The following IFT81 variants were observed in gnomAD, a reference collection of about 807,000 sequenced individuals.
IFT81 encodes intraflagellar transport 81, also known as intraflagellar transport protein 81 homolog.
IFT81 carries 72 observed loss-of-function variants against 102.6 expected under a neutral mutation model. That is an observed-to-expected ratio of 0.70 (90% CI 0.58 to 0.85). The LOEUF (loss-of-function observed/expected upper bound fraction) is 0.85. IFT81 is among the 40% of genes least tolerant of loss of function. The pLI, the probability that IFT81 is intolerant of heterozygous loss-of-function variation, is 0.00. For synonymous variants in IFT81, 237 were observed against 242.7 expected (o/e 0.98, Z 0.22); for missense variants, 723 against 787.3 (o/e 0.92, Z 0.98).
intron 11 of IFT81, among the ~76,000 whole-genome samples, chr12:110,164,052 G>A (rs77307905): frequency 0.014 from 2,175 of 152,090 alleles, 30 homozygotes; most frequent in Non-Finnish European, 0.025. Context: ...TTTCCATAAA[G>A]GGCTAAGAAA....
At chr12:110,150,377 A>G (rs958806674) in intron 10 of IFT81, among the ~76,000 whole-genome samples, 4 of 152,062 alleles carry the variant, frequency 2.6e-5, no homozygotes, top group African/African-American at 9.7e-5. Context: ...GCACCCGGCC[A>G]TGTTTTTAGG....
chr12:110,136,357 C>T (rs1225895184), intron 7 of IFT81, among the ~76,000 whole-genome samples: 4 of 152,192 alleles, frequency 2.6e-5, no homozygotes, highest in East Asian at 1.9e-4. Flanking sequence ...GACTTGGCAT[C>T]GAAGTAGTTT....
chr12:110,179,246 G>A (rs1013507272), intron 11 of IFT81, among the ~76,000 whole-genome samples: 2 of 152,010 alleles, frequency 1.3e-5, no homozygotes, highest in African/African-American at 4.8e-5. Context: ...GTAGTCCAAT[G>A]GACTGCTACC....
At chr12:110,125,753 T>TCAG (rs1249218372) in intron 1 of IFT81, among the ~76,000 whole-genome samples, 2 of 152,256 alleles carry the variant, frequency 1.3e-5, no homozygotes, top group Non-Finnish European at 2.9e-5. Context: ...TAAAGCTGTT[T>TCAG]CAGCAGTTAA....
intron 15 of IFT81, chr12:110,204,275 A>C: frequency 9.2e-6 from 2 of 217,236 alleles, no homozygotes; most frequent in Non-Finnish European, 1.9e-5. Flanking sequence ...CATCTGTACC[A>C]CTCCCAGCAA....
At chr12:110,191,987 A>G (rs1469023341) in intron 13 of IFT81, among the ~76,000 whole-genome samples, 3 of 152,110 alleles carry the variant, frequency 2.0e-5, no homozygotes, top group African/African-American at 7.2e-5. Context: ...CCTGGCCAAC[A>G]TGGTGAAATC....
At position 110,209,949 on chromosome 12, in the gene IFT81, C is replaced by G. The variant is rs1425425083; in HGVS notation, c.1848+733C>G. Among the ~76,000 whole-genome samples, 3 of 152,002 alleles carry G rather than the reference C, an allele frequency of 2.0e-5. No homozygotes were observed. The South Asian group carries it at 6.2e-4, about 32-fold the overall frequency. On this transcript the variant is annotated intron_variant, in intron 18 of 18. Coordinates refer to ENST00000242591, the MANE Select transcript of IFT81 (RefSeq NM_014055.4). ...GCTTGAGATGCTCAGCTCCCTCCTG[C>G]CAGAGTTATCTGATGGCAACTGAAA...
At chr12:110,126,412 G>C (rs971383734) in intron 1 of IFT81, among the ~76,000 whole-genome samples, 7 of 152,154 alleles carry the variant, frequency 4.6e-5, no homozygotes, top group Non-Finnish European at 1.0e-4. Flanking sequence ...AGGTTTCCTG[G>C]GGGAGCTGGC....
At chr12:110,186,238 C>CTTGTTTGTTTGT (rs139841661) in intron 12 of IFT81, among the ~76,000 whole-genome samples, 2 of 150,910 alleles carry the variant, frequency 1.3e-5, no homozygotes, top group South Asian at 2.1e-4. Flanking sequence ...AACTGTACAT[C>CTTGTTTGTTTGT]TTGTTTGTTT....
intron 11 of IFT81, among the ~76,000 whole-genome samples, chr12:110,165,471 C>T (rs1372402317): frequency 5.3e-5 from 8 of 152,114 alleles, no homozygotes; most frequent in Admixed American, 5.2e-4. Flanking sequence ...TGCCCCCCAT[C>T]TGTTAAACAG....
At chr12:110,200,674 GCACGGTGGCT>G (rs199573312) in intron 14 of IFT81, among the ~76,000 whole-genome samples, 2,574 of 152,246 alleles carry the variant, frequency 0.017, 74 homozygotes, top group African/African-American at 0.058. Flanking sequence ...TCTTGGCCGG[GCACGGTGGCT>G]CACGCTTGTA....
intron 13 of IFT81, 45 bp from the exon 14 acceptor site, chr12:110,192,572 T>C: frequency 9.3e-7 from 1 of 1,071,972 alleles, no homozygotes; most frequent in East Asian, 2.5e-5. Flanking sequence ...ATTTTTCTTT[T>C]TTTGAATTCT....
At chr12:110,152,414 T>C (rs1566122220) in intron 10 of IFT81, among the ~76,000 whole-genome samples, 1 of 152,208 alleles carries the variant, frequency 6.6e-6, no homozygotes, top group Non-Finnish European at 1.5e-5. Context: ...ATGCTGAGCA[T>C]TTTTTCACAT....
At chr12:110,212,434 A>G (rs1869577039) in intron 18 of IFT81, among the ~76,000 whole-genome samples, 2 of 151,470 alleles carry the variant, frequency 1.3e-5, no homozygotes, top group Admixed American at 1.3e-4. Context: ...GATCCTAGCT[A>G]CTCGGGAGGC....
intron 14 of IFT81, among the ~76,000 whole-genome samples, 195 bp downstream of exon 14, chr12:110,192,901 C>T (rs1897858198): frequency 6.6e-6 from 1 of 152,084 alleles, no homozygotes; most frequent in Non-Finnish European, 1.5e-5. Context: ...GTGGCTTATG[C>T]CTGTAATCCC....
At chr12:110,159,807 A>G (rs1215225447) in intron 10 of IFT81, among the ~76,000 whole-genome samples, 1 of 152,142 alleles carries the variant, frequency 6.6e-6, no homozygotes, top group African/African-American at 2.4e-5. Flanking sequence ...AGCTGTGTGC[A>G]TGCTGCACCA....
intron 10 of IFT81, among the ~76,000 whole-genome samples, chr12:110,158,260 T>C (rs1389469644): frequency 2.0e-5 from 3 of 152,004 alleles, no homozygotes; most frequent in Admixed American, 2.0e-4. Flanking sequence ...TTTGTATTTT[T>C]AGTAGAGACA....
At chr12:110,135,974 C>G (rs1593282701) in intron 7 of IFT81, among the ~76,000 whole-genome samples, 1 of 152,014 alleles carries the variant, frequency 6.6e-6, no homozygotes, top group Non-Finnish European at 1.5e-5. Flanking sequence ...CTATGCTTAC[C>G]TCGTGTTGTT....
chr12:110,150,235 T>C (rs1467494872), intron 10 of IFT81, among the ~76,000 whole-genome samples: 4 of 152,098 alleles, frequency 2.6e-5, no homozygotes, highest in Non-Finnish European at 4.4e-5. Flanking sequence ...GCTTCCCAAG[T>C]AGCTGGGATT....
Sources: allele counts gnomAD v4.1 joint callset (sites outside exome capture counted in the v4.1 genomes callset), GRCh38; gene constraint gnomAD v4.1.1; transcripts MANE v1.5; gene names NCBI Gene and HGNC (gene_info 2026-07-23, HGNC 2026-07-21).